MCUB: variants seen among roughly 807,000 people sequenced by gnomAD.
The protein encoded by MCUB is calcium uniporter regulatory subunit MCUb, mitochondrial.
Under a neutral mutation model 41.4 loss-of-function variants are expected in MCUB, and 46 were observed. The observed-to-expected ratio is 1.11, with a 90% CI of 0.88 to 1.42. The LOEUF (loss-of-function observed/expected upper bound fraction) is 1.42. MCUB is among the 40% of genes most tolerant of loss of function. The pLI, the probability that MCUB is intolerant of heterozygous loss-of-function variation, is 0.00. For synonymous variants in MCUB, 148 were observed against 148.2 expected (o/e 1.00, Z 0.01); for missense variants, 403 against 404.9 (o/e 1.00, Z 0.04).
At chr4:109,584,872 A>G (rs928280706) in intron 1 of MCUB, among the ~76,000 whole-genome samples, 2 of 152,134 alleles carry the variant, frequency 1.3e-5, no homozygotes, top group African/African-American at 2.4e-5. Context: ...TTTACTTCCA[A>G]CTATGGTCAA....
intron 1 of MCUB, among the ~76,000 whole-genome samples, chr4:109,641,507 A>G (rs1345709505): frequency 6.6e-6 from 1 of 152,214 alleles, no homozygotes; most frequent in Non-Finnish European, 1.5e-5. Flanking sequence ...ACAGATCACC[A>G]TAACAGATGT....
intron 1 of MCUB, among the ~76,000 whole-genome samples, chr4:109,591,501 T>C (rs116343862): frequency 0.019 from 2,901 of 152,160 alleles, 93 homozygotes; most frequent in African/African-American, 0.067. Context: ...TGTTAAATTC[T>C]GTTGTGTAGA....
At chr4:109,612,733 C>G (rs534784738) in intron 1 of MCUB, among the ~76,000 whole-genome samples, 1 of 152,244 alleles carries the variant, frequency 6.6e-6, no homozygotes, top group South Asian at 2.1e-4. Flanking sequence ...TAATCCATAA[C>G]AGAAGACCTG....
chr4:109,580,228 C>T (rs1363658863), intron 1 of MCUB, among the ~76,000 whole-genome samples: 1 of 152,188 alleles, frequency 6.6e-6, no homozygotes, highest in Non-Finnish European at 1.5e-5. Context: ...TTTATGGCTG[C>T]ATAGTATTCC....
intron 1 of MCUB, among the ~76,000 whole-genome samples, chr4:109,593,681 G>A (rs1372640150): frequency 2.0e-5 from 3 of 152,186 alleles, no homozygotes; most frequent in African/African-American, 2.4e-5. Flanking sequence ...AAGAAAACCT[G>A]ATTATCTTAA....
At chr4:109,623,476 T>C (rs562604285) in intron 1 of MCUB, among the ~76,000 whole-genome samples, 1 of 152,350 alleles carries the variant, frequency 6.6e-6, no homozygotes, top group East Asian at 1.9e-4. Flanking sequence ...CAAGCGCTGA[T>C]ATTGAATGTG....
chr4:109,561,716 C>T (rs1000692210), intron 1 of MCUB, among the ~76,000 whole-genome samples: 7 of 152,158 alleles, frequency 4.6e-5, no homozygotes, highest in African/African-American at 1.7e-4. Flanking sequence ...CGAGGAACCC[C>T]TTTCACATGC....
Position 109,619,022 on chromosome 4 carries a change from A to ACCTGCCTGCCTGCCTG in MCUB, c.100-39978_100-39977insGCCTGCCTGCCTGCCT, listed in dbSNP as rs70954173. ...AACCTACCTACCTACCTACCTATCT[A>ACCTGCCTGCCTGCCTG]CCTGCCTGCCTACCTACCTACCTAC... On this transcript the variant is annotated intron_variant, in intron 1 of 7. Coordinates refer to ENST00000394650, the MANE Select transcript of MCUB (RefSeq NM_017918.5). Among the ~76,000 whole-genome samples, 487 of 134,412 alleles carry ACCTGCCTGCCTGCCTG rather than the reference A, an allele frequency of 3.6e-3. 9 individuals are homozygous for ACCTGCCTGCCTGCCTG. In the East Asian group the frequency reaches 0.047, roughly 13 times the overall value. The allele number at this position is 134,412 out of a possible 152,430, so 88.2% of individuals were successfully genotyped here. A position where few individuals can be genotyped will look rare whatever the true frequency, so the allele number is the denominator to read the frequency against.
intron 1 of MCUB, among the ~76,000 whole-genome samples, chr4:109,561,433 A>G (rs956602728): frequency 6.7e-6 from 1 of 149,018 alleles, no homozygotes; most frequent in Non-Finnish European, 1.5e-5. Flanking sequence ...GATGCAGGGA[A>G]TATTTAAGTG....
Position 109,659,029 on chromosome 4 carries a change from T to G in MCUB, c.118T>G (p.Cys40Gly). 1 of 1,540,742 alleles carries G rather than the reference T, an allele frequency of 6.5e-7. No homozygotes were observed. Among genetic ancestry groups the G allele is most frequent in the Non-Finnish European group, 8.8e-7 (1 of 1,136,986 alleles). ...PPPQVLRVKL[C>G]GNVKYYQSHH... ...CTTGTAGGTTTTGCGTGTGAAGCTG[T>G]GTGGAAATGTGAAATACTACCAGTC... Residue 40 changes from cysteine to glycine, a missense_variant, in exon 2 of 8, where the codon TGT becomes GGT. Transcript: ENST00000394650.
intron 1 of MCUB, among the ~76,000 whole-genome samples, chr4:109,577,001 G>A (rs1367610385): frequency 4.6e-5 from 7 of 152,092 alleles, no homozygotes; most frequent in Non-Finnish European, 1.0e-4. Flanking sequence ...ACAAGCATGT[G>A]CCACCACGCC....
At chr4:109,627,854 A>G (rs1170648990) in intron 1 of MCUB, among the ~76,000 whole-genome samples, 3 of 151,818 alleles carry the variant, frequency 2.0e-5, no homozygotes, top group Non-Finnish European at 4.4e-5. Context: ...TGGAGGTTGC[A>G]GTGAGCTGAG....
chr4:109,687,181 T>TC (rs1016477023), intron 7 of MCUB, among the ~76,000 whole-genome samples: 1 of 151,784 alleles, frequency 6.6e-6, no homozygotes, highest in African/African-American at 2.4e-5. Flanking sequence ...ATGGCAAAAC[T>TC]CCATCTCTAC....
At chr4:109,588,782 T>C (rs1187101886) in intron 1 of MCUB, among the ~76,000 whole-genome samples, 1 of 152,224 alleles carries the variant, frequency 6.6e-6, no homozygotes, top group Non-Finnish European at 1.5e-5. Context: ...AGTTTTATGC[T>C]TCACTCTGAT....
intron 1 of MCUB, among the ~76,000 whole-genome samples, chr4:109,601,545 A>G (rs1727744492): frequency 6.6e-6 from 1 of 152,014 alleles, no homozygotes; most frequent in South Asian, 2.1e-4. Context: ...CTCCATTTCT[A>G]TTCATGTTGC....
intron 1 of MCUB, among the ~76,000 whole-genome samples, chr4:109,601,620 C>G (rs916511332): frequency 6.6e-6 from 1 of 152,118 alleles, no homozygotes; most frequent in Non-Finnish European, 1.5e-5. Flanking sequence ...ATATACCACA[C>G]TTTCTTTATT....
In MCUB at chr4:109,589,836, T is replaced by G. The variant is rs144264305; in HGVS notation, c.99+29400T>G. Among the ~76,000 whole-genome samples the G allele has an allele frequency of 1.5e-3, 229 of 152,318 alleles. 6 individuals carry two copies. In the East Asian group the frequency reaches 0.04, roughly 26 times the overall value. On this transcript the variant is annotated intron_variant, in intron 1 of 7. Coordinates refer to ENST00000394650, the MANE Select transcript of MCUB (RefSeq NM_017918.5). ...GTGCATACTATTCACCTGACTGACT[T>G]TTGTCCGTCTGCCTGACCATGCAGG...
chr4:109,615,405 A>G, intron 1 of MCUB, among the ~76,000 whole-genome samples: 2 of 141,740 alleles, frequency 1.4e-5, no homozygotes, highest in East Asian at 4.1e-4. Context: ...ATAGATGTGA[A>G]TTTTTTTTTT....
At chr4:109,674,639 A>G (rs1242050216) in intron 4 of MCUB, among the ~76,000 whole-genome samples, 2 of 152,258 alleles carry the variant, frequency 1.3e-5, no homozygotes, top group African/African-American at 2.4e-5. Flanking sequence ...GTTTAAACCA[A>G]ATCCAGAAAG....
Sources: allele counts gnomAD v4.1 joint callset (sites outside exome capture counted in the v4.1 genomes callset), GRCh38; gene constraint gnomAD v4.1.1; transcripts MANE v1.5; gene names NCBI Gene and HGNC (gene_info 2026-07-23, HGNC 2026-07-21).